ADGB: variants seen among roughly 807,000 people sequenced by gnomAD.
ADGB encodes androglobin.
ADGB carries 172 observed loss-of-function variants against 210.5 expected under a neutral mutation model. The ratio of observed to expected loss-of-function variants is 0.82; its 90% CI spans 0.72 to 0.93. The LOEUF (loss-of-function observed/expected upper bound fraction) is 0.93. Among genes scored for constraint, ADGB ranks in the 40% least tolerant of loss-of-function variants. The pLI is 0.00. For missense variants in ADGB, 2,025 were observed against 1,964.8 expected (o/e 1.03, Z -0.58); for synonymous variants, 658 against 662.7 (o/e 0.99, Z 0.11).
chr6:146,657,788 A>AT (rs1405220111), intron 5 of ADGB, among the ~76,000 whole-genome samples: 6 of 152,152 alleles, frequency 3.9e-5, no homozygotes, highest in South Asian at 4.1e-4. Flanking sequence ...TGAACTTGAG[A>AT]TTTGTTTTCA....
At chr6:146,635,323 A>G in intron 1 of ADGB, 52 bp from the exon 2 acceptor site, 1 of 1,331,824 alleles carries the variant, frequency 7.5e-7, no homozygotes, top group South Asian at 2.1e-5. Flanking sequence ...CCAATATTTG[A>G]TCTCAGAGAT....
intron 25 of ADGB, 29 bp downstream of exon 25, chr6:146,741,300 G>A: frequency 6.5e-7 from 1 of 1,547,350 alleles, no homozygotes; most frequent in Non-Finnish European, 8.7e-7. Flanking sequence ...CTCCACATAT[G>A]ATAGAATGGC....
rs546389728 is a variant in ADGB at position 146,603,595 on chromosome 6, A to G, written c.74+4481A>G. ...TAACAGGAACCATATAGCCTTGTAG[A>G]TTTGTAATTATAAAATAATATTAAG... On this transcript the variant is annotated intron_variant, in intron 1 of 35. Transcript: ENST00000397944. 5.3e-5 allele frequency among the ~76,000 whole-genome samples: 8 copies of G among 152,332 alleles called. No homozygotes were observed. The East Asian group carries it at 1.5e-3, about 29-fold the overall frequency.
chr6:146,678,750 CT>C (rs1776118030), intron 9 of ADGB, among the ~76,000 whole-genome samples: 1 of 152,090 alleles, frequency 6.6e-6, no homozygotes. Context: ...TACATGTCAT[CT>C]AATATTATCC....
intron 4 of ADGB, among the ~76,000 whole-genome samples, chr6:146,656,096 G>A (rs1775776792): frequency 6.6e-6 from 1 of 152,158 alleles, no homozygotes; most frequent in South Asian, 2.1e-4. Context: ...CTGCAACTTA[G>A]AGAGGTGGAA....
intron 9 of ADGB, 26 bp from the exon 10 acceptor site, chr6:146,685,700 AATTTTCAC>A (rs1180821622): frequency 7.3e-7 from 1 of 1,361,044 alleles, no homozygotes; most frequent in Non-Finnish European, 9.8e-7. Flanking sequence ...TTTTGACTAG[AATTTTCAC>A]AACATAATGT....
intron 3 of ADGB, among the ~76,000 whole-genome samples, chr6:146,646,918 A>T (rs1244128930): frequency 6.6e-6 from 1 of 151,818 alleles, no homozygotes; most frequent in Non-Finnish European, 1.5e-5. Context: ...GCAAAATTCC[A>T]TCTCCACTAA....
At chr6:146,657,003 A>T (rs2114885717) in intron 5 of ADGB, 23 bp downstream of exon 5, 1 of 1,519,474 alleles carries the variant, frequency 6.6e-7, no homozygotes, top group East Asian at 2.5e-5. Context: ...TCGTGTGCAT[A>T]AAAACTCATG....
chr6:146,639,141 A>G, intron 2 of ADGB: 1 of 156,070 alleles, frequency 6.4e-6, no homozygotes. Flanking sequence ...CATTTTTTTA[A>G]TCAACGGGAA....
chr6:146,669,471 T>G lies in ADGB; in HGVS notation c.839+2569T>G, dbSNP rs140365051. Among the ~76,000 whole-genome samples the G allele has an allele frequency of 1.9e-3, 291 of 152,224 alleles. 1 individual carries two copies. Among genetic ancestry groups the G allele is most frequent in the Non-Finnish European group, 2.2e-3 (153 of 68,008 alleles). On this transcript the variant is annotated intron_variant, in intron 7 of 35. Transcript: ENST00000397944. ...CACCACACCAGTGAAATGGCTCTTC[T>G]TAAAGTCAACAAAGACCTTAATATT...
In ADGB at chr6:146,691,290, G is replaced by T; in HGVS notation, c.1486G>T (p.Glu496Ter). The change falls in exon 11 of 36, where the codon GAG becomes TAG. Residue 496 changes from glutamate (E) to a stop codon, truncating the protein, a stop_gained and splice_region_variant. Transcript: ENST00000397944. LOFTEE classifies it high-confidence loss of function. ...KETVITDEAQELIVKKPERFL... is the reference protein window; with the variant it reads ...KETVITDEAQ ...AACTGTTATAACAGATGAAGCTCAA[G>T]GTATGTATCACATCATCTTCAAATC... 2 of 1,537,934 alleles carry T rather than the reference G, an allele frequency of 1.3e-6. No homozygotes were observed. Among genetic ancestry groups the T allele is most frequent in the South Asian group, 1.2e-5 (1 of 82,638 alleles).
chr6:146,734,087 T>C, intron 22 of ADGB, 57 bp downstream of exon 22: 3 of 1,494,046 alleles, frequency 2.0e-6, no homozygotes, highest in Non-Finnish European at 2.7e-6. Context: ...TAAATATTTA[T>C]GTGTGTTAAT....
chr6:146,598,991 C>T lies in ADGB; in HGVS notation c.-50C>T. 1 of 1,504,158 alleles carries T rather than the reference C, an allele frequency of 6.6e-7. No homozygotes were observed. Among genetic ancestry groups the T allele is most frequent in the African/African-American group, 1.4e-5 (1 of 72,064 alleles). 93.2% of individuals were successfully genotyped at this position (1,504,158 alleles called of 1,614,324 possible). A position where few individuals can be genotyped will look rare whatever the true frequency, so the allele number is the denominator to read the frequency against. Reference sequence around the variant, plus strand: ...CAACGCAGACGCGGAGCCGAGCGCGCCCGCAGGCTCTTTGCTCAGAGCTCA... The same window carrying T: ...CAACGCAGACGCGGAGCCGAGCGCGTCCGCAGGCTCTTTGCTCAGAGCTCA... On this transcript the variant is annotated 5_prime_UTR_variant, in exon 1 of 36. Transcript: ENST00000397944.
chr6:146,616,496 T>C (rs1346824461), intron 1 of ADGB, among the ~76,000 whole-genome samples: 1 of 152,010 alleles, frequency 6.6e-6, no homozygotes, highest in Non-Finnish European at 1.5e-5. Context: ...AAAATATATA[T>C]ATTTGCTCAA....
chr6:146,693,989 CT>C (rs1366437434), intron 12 of ADGB, among the ~76,000 whole-genome samples: 2 of 152,108 alleles, frequency 1.3e-5, no homozygotes, highest in Admixed American at 1.3e-4. Context: ...TATATATTTT[CT>C]AAGAAGATTG....
intron 6 of ADGB, among the ~76,000 whole-genome samples, chr6:146,665,093 C>A (rs750239710): frequency 1.3e-5 from 2 of 152,058 alleles, no homozygotes; most frequent in Non-Finnish European, 2.9e-5. Context: ...GGATTTTATA[C>A]ACGTCCACCT....
intron 13 of ADGB, among the ~76,000 whole-genome samples, chr6:146,703,349 G>A (rs1485793128): frequency 6.6e-6 from 1 of 151,696 alleles, no homozygotes; most frequent in East Asian, 1.9e-4. Context: ...ATTAATATAT[G>A]TATTACTTCA....
At chr6:146,764,658 T>C (rs1000107981) in intron 28 of ADGB, among the ~76,000 whole-genome samples, 3 of 152,180 alleles carry the variant, frequency 2.0e-5, no homozygotes, top group African/African-American at 7.2e-5. Flanking sequence ...ATTAATCAAC[T>C]AAAATGCTAA....
Position 146,666,834 on chromosome 6 carries a change from G to A in ADGB, c.771G>A (p.Arg257=). Residue 257 remains arginine (R), a synonymous_variant, in exon 7 of 36, where the codon AGG becomes AGA. Coordinates refer to ENST00000397944, the MANE Select transcript of ADGB (RefSeq NM_024694.4). ...TTTTTAGCATCCATGTAGCAGACAG[G>A]AGAGAGCTGGGGGAGTTCACGGTTA... is the stretch of plus-strand genomic sequence containing the variant. ...LANIDIHVAD[R]RELGEFTVIH... The A allele has an allele frequency of 6.5e-7, 1 of 1,548,172 alleles. No individual in the cohort carries two copies. Among genetic ancestry groups the A allele is most frequent in the Non-Finnish European group, 8.7e-7 (1 of 1,144,378 alleles).
Sources: allele counts gnomAD v4.1 joint callset (sites outside exome capture counted in the v4.1 genomes callset), GRCh38; gene constraint gnomAD v4.1.1; transcripts MANE v1.5; gene names NCBI Gene and HGNC (gene_info 2026-07-23, HGNC 2026-07-21).